Variants in PSMD1 observed in about 807,000 individuals in gnomAD.
PSMD1 encodes 26S proteasome non-ATPase regulatory subunit 1.
In PSMD1, 18 loss-of-function variants were observed where a neutral mutation model predicts 119.0. That is an observed-to-expected ratio of 0.15 (90% CI 0.10 to 0.22). The LOEUF is 0.22. PSMD1 is among the 10% of genes least tolerant of loss of function. The pLI, the probability that PSMD1 is intolerant of heterozygous loss-of-function variation, is 1.00. For missense variants in PSMD1, 702 were observed against 1,158.5 expected, an observed-to-expected ratio of 0.61 and a Z score of 5.72; for synonymous variants, 374 against 396.6, an observed-to-expected ratio of 0.94 and a Z score of 0.68.
intron 16 of PSMD1, among the ~76,000 whole-genome samples, chr2:231,127,274 C>T (rs60157752): frequency 1.6e-4 from 18 of 115,768 alleles, no homozygotes; most frequent in African/African-American, 5.6e-4. Flanking sequence ...ACAACAACAA[C>T]AAAAAAAAAA....
Position 231,099,075 on chromosome 2 carries a change from G to A in PSMD1, c.1883+11894G>A, listed in dbSNP as rs181670381. Among the ~76,000 whole-genome samples the A allele has an allele frequency of 3.7e-4, 56 of 152,282 alleles. No individual in the cohort carries two copies. In the East Asian group the frequency reaches 7.1e-3, roughly 19 times the overall value. On this transcript the variant is annotated intron_variant, in intron 16 of 24. Coordinates refer to ENST00000308696, the MANE Select transcript of PSMD1 (RefSeq NM_002807.4). ...CAGGGTTATAACGAGGAAGGATAAC[G>A]TTGAGTAGAGAGGGAATTTGGAATG... is the stretch of plus-strand genomic sequence containing the variant.
intron 16 of PSMD1, among the ~76,000 whole-genome samples, chr2:231,090,322 A>G (rs1258344151): frequency 2.6e-5 from 4 of 152,150 alleles, no homozygotes; most frequent in Non-Finnish European, 5.9e-5. Flanking sequence ...GCGGCAGATC[A>G]CCCAAGATCA....
At chr2:231,081,114 C>T (rs1324975266) in intron 12 of PSMD1, among the ~76,000 whole-genome samples, 2 of 145,438 alleles carry the variant, frequency 1.4e-5, no homozygotes, top group Non-Finnish European at 3.0e-5. Context: ...CACTGCACTC[C>T]AGCCTGGGCG....
chr2:231,062,845 A>G (rs1056604282), intron 4 of PSMD1, among the ~76,000 whole-genome samples, 170 bp downstream of exon 4: 46 of 151,988 alleles, frequency 3.0e-4, no homozygotes, highest in African/African-American at 1.0e-3. Context: ...CTGCCCTTCA[A>G]CTGAGTGCTG....
intron 16 of PSMD1, among the ~76,000 whole-genome samples, chr2:231,095,733 G>A (rs1327591270): frequency 6.6e-6 from 1 of 152,198 alleles, no homozygotes; most frequent in Non-Finnish European, 1.5e-5. Context: ...AGTCAATAAC[G>A]GCTAAAGGCC....
rs1509581 is a variant in PSMD1 at position 231,081,778 on chromosome 2, A to G, written c.1414-1105A>G. ...CTAAAGTTTCCTCTTTCAAATGTGTATATTTCAGAGGTACTCTGACCTCAT... is the reference window on the plus strand; with the variant it reads ...CTAAAGTTTCCTCTTTCAAATGTGTGTATTTCAGAGGTACTCTGACCTCAT... On this transcript the variant is annotated intron_variant, in intron 12 of 24. Transcript: ENST00000308696. 8.0e-3 allele frequency among the ~76,000 whole-genome samples: 1,214 copies of G among 152,310 alleles called. 24 individuals are homozygous for G. The highest frequency in any genetic ancestry group is 0.028 in the African/African-American group (1,164 of 41,542).
chr2:231,126,069 G>A (rs1438558648), intron 16 of PSMD1, among the ~76,000 whole-genome samples: 2 of 152,120 alleles, frequency 1.3e-5, no homozygotes. Flanking sequence ...AGAGAAATCA[G>A]ATGTTTTTTA....
chr2:231,068,901 C>T (rs972193031), intron 5 of PSMD1, among the ~76,000 whole-genome samples: 4 of 152,128 alleles, frequency 2.6e-5, no homozygotes, highest in South Asian at 2.1e-4. Flanking sequence ...AAAAATTGTG[C>T]TGAGGCTGCG....
At chr2:231,154,721 G>A (rs978220539) in intron 19 of PSMD1, among the ~76,000 whole-genome samples, 4 of 152,110 alleles carry the variant, frequency 2.6e-5, no homozygotes, top group African/African-American at 7.2e-5. Context: ...TTCCCACCTC[G>A]ACCTTCTGAA....
rs183799705 is a variant in PSMD1, at chr2:231,123,475, G to A, written c.1884-15261G>A. On this transcript the variant is annotated intron_variant, in intron 16 of 24. Transcript: ENST00000308696. ...CAATCCAACCAGCAAATCAGCCACC[G>A]CCAAGGACATTAGAAAGTAATTAGT... 8.1e-6 allele frequency: 13 copies of A among 1,613,990 alleles called. No individual in the cohort carries two copies. The East Asian group carries it at 1.1e-4, about 14-fold the overall frequency.
rs539362078 is a variant in PSMD1 at position 231,099,860 on chromosome 2, G to A, written c.1883+12679G>A. 1.2e-3 allele frequency among the ~76,000 whole-genome samples: 184 copies of A among 152,196 alleles called. 6 individuals are homozygous for A. In the South Asian group the frequency reaches 0.019, roughly 16 times the overall value. ...AGTTCACTGCCCCCCTCCCCCTTGC[G>A]GCTTTCTTACCTTGGTCCTGACCAC... On this transcript the variant is annotated intron_variant, in intron 16 of 24. Transcript: ENST00000308696.
intron 16 of PSMD1, among the ~76,000 whole-genome samples, chr2:231,134,402 G>A (rs548663079): frequency 3.9e-5 from 6 of 152,230 alleles, no homozygotes; most frequent in Non-Finnish European, 7.4e-5. Context: ...AGTCCCGAGC[G>A]AGCCTAAACC....
intron 16 of PSMD1, among the ~76,000 whole-genome samples, chr2:231,093,068 G>A (rs1035820450): frequency 6.6e-6 from 1 of 152,178 alleles, no homozygotes; most frequent in Non-Finnish European, 1.5e-5. Flanking sequence ...TGTTATTAGA[G>A]GTTGGGAAGG....
intron 4 of PSMD1, among the ~76,000 whole-genome samples, chr2:231,065,841 C>T (rs1253626484): frequency 1.3e-5 from 2 of 152,146 alleles, no homozygotes; most frequent in African/African-American, 4.8e-5. Context: ...TTTTCAGACA[C>T]CTTCTTGGGA....
At chr2:231,150,595 A>T (rs1255583413) in intron 18 of PSMD1, among the ~76,000 whole-genome samples, 2 of 152,164 alleles carry the variant, frequency 1.3e-5, no homozygotes, top group East Asian at 1.9e-4. Context: ...AAATATTCAT[A>T]TATTGTGCTA....
chr2:231,073,229 T>C (rs1694082130), intron 7 of PSMD1, among the ~76,000 whole-genome samples: 1 of 152,156 alleles, frequency 6.6e-6, no homozygotes, highest in Admixed American at 6.5e-5. Flanking sequence ...ACATCAAAGA[T>C]CACTGATGAC....
intron 16 of PSMD1, among the ~76,000 whole-genome samples, chr2:231,112,170 T>C (rs1188164428): frequency 6.6e-6 from 1 of 152,080 alleles, no homozygotes; most frequent in African/African-American, 2.4e-5. Context: ...TACCTCACAC[T>C]CTCCCTTGCC....
In PSMD1 at chr2:231,070,206, C is replaced by T. The variant is rs372816947; in HGVS notation, c.654+38C>T. On this transcript the variant is annotated intron_variant, in intron 6 of 24. Transcript: ENST00000308696. ...AATTATGTTTCATTACATTGCTCCA[C>T]GCTGTACTGTGCTATGCTATACCAC... 2.3e-5 allele frequency: 33 copies of T among 1,457,620 alleles called. No homozygotes were observed. In the East Asian group the frequency reaches 4.1e-4, roughly 18 times the overall value. 90.3% of individuals were successfully genotyped at this position (1,457,620 alleles called of 1,614,324 possible).
At chr2:231,061,156 G>A in intron 1 of PSMD1, 111 bp from the exon 2 acceptor site, 1 of 700,890 alleles carries the variant, frequency 1.4e-6, no homozygotes, top group Non-Finnish European at 2.4e-6. Flanking sequence ...CCCTGGAGAA[G>A]TTACGCCTCA....
Sources: gnomAD v4.1 joint callset for allele counts (sites outside exome capture counted in the v4.1 genomes callset) on GRCh38, gnomAD v4.1.1 for gene constraint, MANE v1.5 for transcripts, NCBI Gene and HGNC (gene_info 2026-07-23, HGNC 2026-07-21) for gene names.